The following EXOC4 variants were observed in gnomAD, a reference collection of about 807,000 sequenced individuals.
EXOC4 encodes the protein exocyst complex component 4.
EXOC4 carries 71 observed loss-of-function variants against 107.2 expected under a neutral mutation model. The observed-to-expected ratio is 0.66, with a 90% confidence interval of 0.55 to 0.81. EXOC4 has a LOEUF of 0.81. Ranked by LOEUF, EXOC4 falls within the 30% of genes least tolerant of loss-of-function variation. The probability of loss-of-function intolerance (pLI) is 0.00; values close to 1 mark genes in which losing one functional copy is unlikely to be tolerated. For missense variants in EXOC4, 1,108 were observed against 1,189.6 expected (o/e 0.93, Z 1.01); for synonymous variants, 456 against 441.2 (o/e 1.03, Z -0.42).
Position 133,767,389 on chromosome 7 carries a change from T to C in EXOC4, c.1515-49936T>C, listed in dbSNP as rs557961546. Among the ~76,000 whole-genome samples, 18 of 151,962 alleles carry C rather than the reference T, an allele frequency of 1.2e-4. No homozygotes were observed. In the South Asian group the frequency reaches 2.7e-3, roughly 23 times the overall value. On this transcript the variant is annotated intron_variant, in intron 10 of 17. Transcript: ENST00000253861. ...ACAGAAGGTGAAATGACGTAACATA[T>C]GTAAAGCATCTAATTCATAGTAGGC...
At chr7:133,349,876 T>C (rs1428388767) in intron 5 of EXOC4, among the ~76,000 whole-genome samples, 1 of 151,884 alleles carries the variant, frequency 6.6e-6, no homozygotes, top group Non-Finnish European at 1.5e-5. Context: ...ATAGTAGCCA[T>C]CCCAATGAGT....
intron 13 of EXOC4, among the ~76,000 whole-genome samples, chr7:133,925,257 A>T (rs1291203859): frequency 6.6e-6 from 1 of 152,242 alleles, no homozygotes; most frequent in East Asian, 1.9e-4. Context: ...TTTAACTAAA[A>T]AATAAAATGT....
chr7:133,782,556 A>G (rs1242984462), intron 10 of EXOC4, among the ~76,000 whole-genome samples: 4 of 152,202 alleles, frequency 2.6e-5, no homozygotes, highest in East Asian at 1.9e-4. Flanking sequence ...CTGTCAAAGG[A>G]TAAGTTTCAA....
intron 10 of EXOC4, among the ~76,000 whole-genome samples, chr7:133,709,662 T>A (rs1794843293): frequency 6.6e-6 from 1 of 150,536 alleles, no homozygotes; most frequent in Admixed American, 6.6e-5. Context: ...TTTTTTTTTT[T>A]TTTTCAAAGT....
intron 9 of EXOC4, among the ~76,000 whole-genome samples, chr7:133,583,202 C>G (rs975521608): frequency 6.6e-6 from 1 of 152,066 alleles, no homozygotes. Flanking sequence ...GAGATCTTGC[C>G]TACTTTTTTT....
intron 17 of EXOC4, among the ~76,000 whole-genome samples, chr7:134,015,896 T>C (rs1454266647): frequency 7.0e-6 from 1 of 143,142 alleles, no homozygotes; most frequent in South Asian, 2.2e-4. Context: ...AAAAAAGTGA[T>C]GTGTAGGGCT....
chr7:134,100,158 G>C, the EXOC4 span, among the ~76,000 whole-genome samples: 1 of 152,188 alleles, frequency 6.6e-6, no homozygotes, highest in East Asian at 1.9e-4. Context: ...TTGTTAATGG[G>C]TGAGGAAAAT....
chr7:133,406,513 A>G (rs1797223890), intron 7 of EXOC4, among the ~76,000 whole-genome samples: 1 of 152,206 alleles, frequency 6.6e-6, no homozygotes, highest in Admixed American at 6.5e-5. Flanking sequence ...TTTTTAAATT[A>G]GCAGTAAAGG....
At chr7:133,265,571 CTTA>C (rs1380339448) in intron 1 of EXOC4, among the ~76,000 whole-genome samples, 1 of 152,136 alleles carries the variant, frequency 6.6e-6, no homozygotes, top group African/African-American at 2.4e-5. Context: ...AGATTTGATT[CTTA>C]TTGTAGATTG....
At chr7:133,595,210 C>A (rs1403344925) in intron 9 of EXOC4, among the ~76,000 whole-genome samples, 1 of 152,098 alleles carries the variant, frequency 6.6e-6, no homozygotes, top group Non-Finnish European at 1.5e-5. Context: ...GCAGGAGAAT[C>A]AGAGCAAGTG....
At chr7:133,441,127 A>T (rs943014670) in intron 7 of EXOC4, among the ~76,000 whole-genome samples, 8 of 152,180 alleles carry the variant, frequency 5.3e-5, no homozygotes, top group Admixed American at 6.5e-5. Context: ...AATGATACAG[A>T]CTGTAAGTAC....
intron 12 of EXOC4, among the ~76,000 whole-genome samples, chr7:133,908,803 A>T (rs1799625139): frequency 6.6e-6 from 1 of 152,194 alleles, no homozygotes; most frequent in Admixed American, 6.5e-5. Flanking sequence ...GATATTATTG[A>T]TATTCAATAA....
At position 133,729,573 on chromosome 7, in the gene EXOC4, G is replaced by C. The variant is rs140936675; in HGVS notation, c.1515-87752G>C. Reference sequence around the variant, plus strand: ...TAGGGAGCAATGAAAAGGCCTCATTGTGCCTCCTGTGATTGAAATGATATT... The same window carrying C: ...TAGGGAGCAATGAAAAGGCCTCATTCTGCCTCCTGTGATTGAAATGATATT... On this transcript the variant is annotated intron_variant, in intron 10 of 17. Transcript: ENST00000253861. Among the ~76,000 whole-genome samples, 408 of 152,212 alleles carry C rather than the reference G, an allele frequency of 2.7e-3. 3 individuals are homozygous for C. The highest frequency in any genetic ancestry group is 4.1e-3 in the Non-Finnish European group (277 of 67,976).
At chr7:133,494,181 G>A (rs1323237817) in intron 9 of EXOC4, among the ~76,000 whole-genome samples, 3 of 152,150 alleles carry the variant, frequency 2.0e-5, no homozygotes, top group Non-Finnish European at 2.9e-5. Context: ...TGGTGAGGGA[G>A]AGCTTCTTTC....
chr7:133,618,543 C>A lies in EXOC4; in HGVS notation c.1418-11502C>A, dbSNP rs79248372. On this transcript the variant is annotated intron_variant, in intron 9 of 17. Coordinates refer to ENST00000253861, the MANE Select transcript of EXOC4 (RefSeq NM_021807.4). Reference sequence around the variant, plus strand: ...GTAAGTGTGCTAGACAAATGTGGAGCAAATAAGATTGGAAAAATTCACTAC... The same window carrying A: ...GTAAGTGTGCTAGACAAATGTGGAGAAAATAAGATTGGAAAAATTCACTAC... Among the ~76,000 whole-genome samples, 788 of 152,190 alleles carry A rather than the reference C, an allele frequency of 5.2e-3. 5 individuals carry two copies. The highest frequency in any genetic ancestry group is 0.017 in the Middle Eastern group (5 of 294).
chr7:133,478,336 G>T, intron 8 of EXOC4, among the ~76,000 whole-genome samples: 1 of 151,548 alleles, frequency 6.6e-6, no homozygotes. Context: ...GAAATTGTTG[G>T]AAATGAACAA....
chr7:133,527,583 GAAT>G (rs1316105169), intron 9 of EXOC4, among the ~76,000 whole-genome samples: 1 of 152,000 alleles, frequency 6.6e-6, no homozygotes, highest in Non-Finnish European at 1.5e-5. Flanking sequence ...ATAGGTAAAG[GAAT>G]AATAATTTAA....
At chr7:133,784,528 G>C (rs1796530638) in intron 10 of EXOC4, among the ~76,000 whole-genome samples, 2 of 152,064 alleles carry the variant, frequency 1.3e-5, no homozygotes, top group African/African-American at 4.8e-5. Flanking sequence ...TGGCGTTGCT[G>C]GTGAGCTCCA....
At chr7:133,268,418 G>T (rs1436501942) in intron 1 of EXOC4, among the ~76,000 whole-genome samples, 4 of 152,156 alleles carry the variant, frequency 2.6e-5, no homozygotes, top group Non-Finnish European at 5.9e-5. Flanking sequence ...ATCACTTTTG[G>T]TGACTGACCT....
Sources: gnomAD v4.1 joint callset for allele counts (sites outside exome capture counted in the v4.1 genomes callset) on GRCh38, gnomAD v4.1.1 for gene constraint, MANE v1.5 for transcripts, NCBI Gene and HGNC (gene_info 2026-07-23, HGNC 2026-07-21) for gene names.